HPSE2: variants seen among roughly 807,000 people sequenced by gnomAD.
The protein encoded by HPSE2 is heparanase 2 (inactive).
HPSE2 carries 38 observed loss-of-function variants against 60.5 expected under a neutral mutation model. That is an observed-to-expected ratio of 0.63 (90% CI 0.48 to 0.82). The LOEUF (loss-of-function observed/expected upper bound fraction) is 0.82, where lower values mean the gene tolerates loss of function less well. Ranked by LOEUF, HPSE2 falls within the 40% of genes least tolerant of loss-of-function variation. HPSE2 has a pLI of 0.00. For missense variants in HPSE2, 713 were observed against 740.4 expected, an observed-to-expected ratio of 0.96 and a Z score of 0.43; for synonymous variants, 295 against 293.2, an observed-to-expected ratio of 1.01 and a Z score of -0.06.
intron 3 of HPSE2, among the ~76,000 whole-genome samples, chr10:98,965,047 C>T (rs1955779717): frequency 1.3e-5 from 2 of 152,128 alleles, no homozygotes; most frequent in Admixed American, 6.5e-5. Flanking sequence ...GCAGAGACTA[C>T]TGCAATACCT....
intron 9 of HPSE2, among the ~76,000 whole-genome samples, chr10:98,519,600 T>A (rs1942719428): frequency 6.6e-6 from 1 of 152,224 alleles, no homozygotes; most frequent in Admixed American, 6.5e-5. Context: ...AGTGGAGAAA[T>A]CTCTGGAAGG....
chr10:99,280,256 G>C, the HPSE2 span, among the ~76,000 whole-genome samples: 13 of 152,208 alleles, frequency 8.5e-5, no homozygotes, highest in African/African-American at 3.1e-4. Flanking sequence ...GAGGGTCAGT[G>C]AATGAACCTG....
intron 2 of HPSE2, among the ~76,000 whole-genome samples, chr10:99,211,908 G>A (rs1458497003): frequency 6.6e-6 from 1 of 152,050 alleles, no homozygotes; most frequent in Admixed American, 6.6e-5. Context: ...ACACAGGGAA[G>A]AGACAACCTA....
At chr10:98,913,473 C>T (rs761115086) in intron 3 of HPSE2, among the ~76,000 whole-genome samples, 10 of 152,142 alleles carry the variant, frequency 6.6e-5, no homozygotes, top group East Asian at 3.8e-4. Context: ...TTATCTCTTA[C>T]GGCATATTCA....
chr10:98,918,175 G>GT (rs1232415783), intron 3 of HPSE2, among the ~76,000 whole-genome samples: 3 of 152,160 alleles, frequency 2.0e-5, no homozygotes, highest in African/African-American at 7.2e-5. Context: ...TTTAAACTGA[G>GT]TTTTCTTACA....
intron 6 of HPSE2, among the ~76,000 whole-genome samples, chr10:98,663,091 G>T (rs1443132029): frequency 6.6e-6 from 1 of 152,130 alleles, no homozygotes; most frequent in African/African-American, 2.4e-5. Flanking sequence ...AGGGGTATGA[G>T]GGTTAGCCAT....
intron 5 of HPSE2, among the ~76,000 whole-genome samples, chr10:98,710,438 TTA>T (rs1948649047): frequency 1.3e-5 from 2 of 151,950 alleles, no homozygotes; most frequent in African/African-American, 4.8e-5. Context: ...CCCTTGGAGC[TTA>T]TGTTTCCCTT....
At chr10:99,045,046 C>A (rs1957824498) in intron 3 of HPSE2, among the ~76,000 whole-genome samples, 1 of 152,148 alleles carries the variant, frequency 6.6e-6, no homozygotes, top group South Asian at 2.1e-4. Flanking sequence ...CTCCACCCAA[C>A]AATGACAGAA....
rs902842102 is a variant in HPSE2 at position 98,899,844 on chromosome 10, C to T, written c.611-155788G>A. ...TGTTGCCCAGGCCGGAGTGCAGTGG[C>T]GCGATCTTGGCTCACTGCAACTTCT... On this transcript the variant is annotated intron_variant, in intron 3 of 11. Transcript: ENST00000370552. Among the ~76,000 whole-genome samples the T allele has an allele frequency of 4.1e-5, 6 of 147,250 alleles. No individual in the cohort carries two copies. The East Asian group carries it at 6.1e-4, about 15-fold the overall frequency.
At chr10:98,824,504 T>C (rs1449147655) in intron 3 of HPSE2, among the ~76,000 whole-genome samples, 1 of 152,238 alleles carries the variant, frequency 6.6e-6, no homozygotes, top group African/African-American at 2.4e-5. Flanking sequence ...TCTCTTACTA[T>C]CATACGAAGC....
At chr10:99,125,734 T>C (rs1845137722) in intron 3 of HPSE2, among the ~76,000 whole-genome samples, 1 of 152,182 alleles carries the variant, frequency 6.6e-6, no homozygotes, top group African/African-American at 2.4e-5. Context: ...AGATTTAACC[T>C]TACCTATAGT....
chr10:98,736,812 T>C (rs539340472), intron 4 of HPSE2, among the ~76,000 whole-genome samples: 49 of 152,350 alleles, frequency 3.2e-4, no homozygotes, highest in South Asian at 6.2e-4. Flanking sequence ...TAGTATGTTA[T>C]GCCAAGCTAT....
intron 9 of HPSE2, among the ~76,000 whole-genome samples, chr10:98,564,777 C>CA (rs1380881926): frequency 6.6e-6 from 1 of 152,132 alleles, no homozygotes; most frequent in African/African-American, 2.4e-5. Context: ...GCCAGATGGC[C>CA]ATGTTTTAAA....
At chr10:99,094,142 T>G (rs1297463173) in intron 3 of HPSE2, among the ~76,000 whole-genome samples, 2 of 152,254 alleles carry the variant, frequency 1.3e-5, no homozygotes, top group South Asian at 2.1e-4. Context: ...TATTTTCCAT[T>G]TGACCCATGA....
At chr10:99,147,161 C>A (rs1846085782) in intron 2 of HPSE2, among the ~76,000 whole-genome samples, 1 of 152,298 alleles carries the variant, frequency 6.6e-6, no homozygotes, top group Middle Eastern at 3.4e-3. Flanking sequence ...CACAAGTTCA[C>A]AAAACCTGGT....
the HPSE2 span, among the ~76,000 whole-genome samples, chr10:99,302,090 G>C: frequency 2.6e-5 from 4 of 151,858 alleles, no homozygotes; most frequent in Admixed American, 6.6e-5. Context: ...TTACACATGA[G>C]GGAGTAAAAA....
the HPSE2 span, among the ~76,000 whole-genome samples, chr10:99,296,499 T>G: frequency 2.0e-5 from 3 of 152,246 alleles, no homozygotes; most frequent in Non-Finnish European, 4.4e-5. Flanking sequence ...TAAATATGAC[T>G]GCAAAACTGC....
chr10:99,234,676 C>G (rs189341309), intron 1 of HPSE2, among the ~76,000 whole-genome samples: 4 of 152,280 alleles, frequency 2.6e-5, no homozygotes, highest in Non-Finnish European at 5.9e-5. Flanking sequence ...AAGGGGATCA[C>G]AAACCTCCGG....
chr10:99,161,795 T>C lies in HPSE2; in HGVS notation c.449-17396A>G, dbSNP rs917050099. ...TAGAAGTAACTTAAGTGTCTATCAA[T>C]AGACAAAGGGATAAACAAAATGTGA... On this transcript the variant is annotated intron_variant, in intron 2 of 11. Transcript: ENST00000370552. 3.3e-5 allele frequency among the ~76,000 whole-genome samples: 5 copies of C among 152,164 alleles called. No individual in the cohort carries two copies. In the South Asian group the frequency reaches 8.3e-4, roughly 25 times the overall value.
Sources: gnomAD v4.1 joint callset for allele counts (sites outside exome capture counted in the v4.1 genomes callset) on GRCh38, gnomAD v4.1.1 for gene constraint, MANE v1.5 for transcripts, NCBI Gene and HGNC (gene_info 2026-07-23, HGNC 2026-07-21) for gene names.